DNAAF5: variants seen among roughly 807,000 people sequenced by gnomAD.
DNAAF5 encodes the protein dynein axonemal assembly factor 5.
DNAAF5 carries 64 observed loss-of-function variants against 75.8 expected under a neutral mutation model. That is an observed-to-expected ratio of 0.84 (90% CI 0.69 to 1.04). DNAAF5 has a LOEUF of 1.04. DNAAF5 is among the 50% of genes least tolerant of loss of function. The probability of loss-of-function intolerance (pLI) is 0.00; values close to 1 mark genes in which losing one functional copy is unlikely to be tolerated. For missense variants in DNAAF5, 1,269 were observed against 1,178.5 expected, an observed-to-expected ratio of 1.08 and a Z score of -1.12; for synonymous variants, 657 against 557.2, an observed-to-expected ratio of 1.18 and a Z score of -2.52.
At chr7:732,181 A>C (rs892787872) in intron 2 of DNAAF5, among the ~76,000 whole-genome samples, 4 of 152,230 alleles carry the variant, frequency 2.6e-5, no homozygotes, top group African/African-American at 7.2e-5. Flanking sequence ...CTGGAGCCTT[A>C]GGCCCCGGGA....
At chr7:782,193 A>G (rs1483643175) in intron 12 of DNAAF5, among the ~76,000 whole-genome samples, 2 of 149,908 alleles carry the variant, frequency 1.3e-5, no homozygotes, top group Non-Finnish European at 3.0e-5. Context: ...GCGGCGTCAG[A>G]AACTCGGATC....
rs537846183 is a variant in DNAAF5 at position 767,831 on chromosome 7, G to C, written c.1784-2640G>C. ...GGAGGGCAGACACGTGGTCCGGGTG[G>C]AAGTGTCCCTGCTGCGAGCAGGAGC... On this transcript the variant is annotated intron_variant, in intron 8 of 12. Coordinates refer to ENST00000297440, the MANE Select transcript of DNAAF5 (RefSeq NM_017802.4). Among the ~76,000 whole-genome samples, 174 of 150,846 alleles carry C rather than the reference G, an allele frequency of 1.2e-3. 1 individual carries two copies. The highest frequency in any genetic ancestry group is 1.8e-4 in the Non-Finnish European group (12 of 67,778).
At chr7:781,757 C>T (rs180984111) in intron 12 of DNAAF5, among the ~76,000 whole-genome samples, 2 of 152,346 alleles carry the variant, frequency 1.3e-5, no homozygotes, top group South Asian at 2.1e-4. Context: ...TGGTGGGCAC[C>T]TTTTCAGACG....
chr7:785,681 C>T lies in DNAAF5; in HGVS notation c.*28C>T. 1.9e-6 allele frequency: 3 copies of T among 1,606,262 alleles called. No individual in the cohort carries two copies. The highest frequency in any genetic ancestry group is 2.6e-6 in the Non-Finnish European group (3 of 1,176,030). On this transcript the variant is annotated 3_prime_UTR_variant, in exon 13 of 13. Transcript: ENST00000297440. ...ACGCTGGTTTCAGCCACGGCACACCCTTGTCCCCACCTGAGCCAGAGTTTG... is the reference window on the plus strand; with the variant it reads ...ACGCTGGTTTCAGCCACGGCACACCTTTGTCCCCACCTGAGCCAGAGTTTG...
intron 2 of DNAAF5, among the ~76,000 whole-genome samples, chr7:738,178 A>G (rs768320419): frequency 1.3e-5 from 2 of 152,052 alleles, no homozygotes; most frequent in African/African-American, 2.4e-5. Context: ...TCTTTCTTCC[A>G]CATAGTCAGT....
intron 11 of DNAAF5, among the ~76,000 whole-genome samples, chr7:775,653 G>C (rs941551727): frequency 1.3e-5 from 2 of 152,184 alleles, no homozygotes; most frequent in Non-Finnish European, 2.9e-5. Flanking sequence ...GTTCCAAAAA[G>C]CAAAGCTTGA....
At chr7:759,437 C>T (rs769510430) in intron 6 of DNAAF5, among the ~76,000 whole-genome samples, 1 of 152,038 alleles carries the variant, frequency 6.6e-6, no homozygotes, top group East Asian at 1.9e-4. Context: ...GGTAACTCAC[C>T]GATTTGCTTC....
chr7:738,817 C>T (rs1163227750), intron 2 of DNAAF5, among the ~76,000 whole-genome samples: 2 of 152,240 alleles, frequency 1.3e-5, no homozygotes, highest in Non-Finnish European at 1.5e-5. Flanking sequence ...GTTTGAAGCT[C>T]CTTTCTGCAA....
intron 2 of DNAAF5, 34 bp downstream of exon 2, chr7:729,881 C>T (rs1781511765): frequency 1.9e-6 from 3 of 1,603,070 alleles, no homozygotes; most frequent in Non-Finnish European, 2.6e-6. Context: ...GTCTGTTCCT[C>T]TCTCCAACAC....
intron 6 of DNAAF5, among the ~76,000 whole-genome samples, chr7:758,210 G>A (rs116628398): frequency 0.013 from 1,982 of 152,336 alleles, 47 homozygotes; most frequent in African/African-American, 0.041. Flanking sequence ...TTTGATTTCT[G>A]TATACAGATT....
chr7:769,012 C>A, intron 8 of DNAAF5: 1 of 611,058 alleles, frequency 1.6e-6, no homozygotes, highest in Non-Finnish European at 3.0e-6. Context: ...TGCCCGGCTG[C>A]GTGGGGAGGC....
intron 4 of DNAAF5, among the ~76,000 whole-genome samples, chr7:749,366 T>C (rs1782218457): frequency 6.6e-6 from 1 of 152,190 alleles, no homozygotes; most frequent in Admixed American, 6.5e-5. Context: ...TCGATGCTGG[T>C]GAGTGGCCGG....
intron 4 of DNAAF5, among the ~76,000 whole-genome samples, chr7:748,986 T>A (rs1309121416): frequency 6.6e-6 from 1 of 152,276 alleles, no homozygotes; most frequent in Non-Finnish European, 1.5e-5. Flanking sequence ...CCAGTTTTCC[T>A]GTTTCCTAAG....
chr7:745,288 C>T (rs1271397360), intron 4 of DNAAF5, among the ~76,000 whole-genome samples: 2 of 152,170 alleles, frequency 1.3e-5, no homozygotes, highest in Non-Finnish European at 2.9e-5. Context: ...AATGGCAGTC[C>T]CCAAGACCCA....
At chr7:735,727 A>G (rs574556878) in intron 2 of DNAAF5, among the ~76,000 whole-genome samples, 9 of 152,186 alleles carry the variant, frequency 5.9e-5, no homozygotes, top group South Asian at 2.1e-4. Flanking sequence ...TGCTTGTCCA[A>G]AAATCTAACT....
chr7:757,856 C>T (rs560510877), intron 6 of DNAAF5, among the ~76,000 whole-genome samples: 5 of 152,370 alleles, frequency 3.3e-5, no homozygotes, highest in East Asian at 1.9e-4. Flanking sequence ...TCGTTTCCGG[C>T]GGCTTCTATG....
intron 12 of DNAAF5, among the ~76,000 whole-genome samples, chr7:783,168 G>A (rs533869268): frequency 7.0e-4 from 107 of 152,332 alleles, no homozygotes; most frequent in Middle Eastern, 6.8e-3. Flanking sequence ...GCCAGATCCC[G>A]CGTCCGCACA....
In DNAAF5 at chr7:785,690, A is replaced by C. The variant is rs1779124145; in HGVS notation, c.*37A>C. ...TCAGCCACGGCACACCCTTGTCCCC[A>C]CCTGAGCCAGAGTTTGTGGCCTTTA... On this transcript the variant is annotated 3_prime_UTR_variant, in exon 13 of 13. Coordinates refer to ENST00000297440, the MANE Select transcript of DNAAF5 (RefSeq NM_017802.4). 1 of 1,601,896 alleles carries C rather than the reference A, an allele frequency of 6.2e-7. No homozygotes were observed. The highest frequency in any genetic ancestry group is 1.3e-5 in the African/African-American group (1 of 74,704).
At chr7:729,414 T>C (rs904750093) in intron 1 of DNAAF5, among the ~76,000 whole-genome samples, 3 of 152,236 alleles carry the variant, frequency 2.0e-5, no homozygotes, top group Admixed American at 6.5e-5. Context: ...CCGCTGGTCC[T>C]CCTAAGCCTC....
Sources: allele counts gnomAD v4.1 joint callset (sites outside exome capture counted in the v4.1 genomes callset), GRCh38; gene constraint gnomAD v4.1.1; transcripts MANE v1.5; gene names NCBI Gene and HGNC (gene_info 2026-07-23, HGNC 2026-07-21).